KLF12: variants seen among roughly 807,000 people sequenced by gnomAD.
KLF12 encodes the protein KLF transcription factor 12.
In KLF12, 9 loss-of-function variants were observed where a neutral mutation model predicts 37.8. That is an observed-to-expected ratio of 0.24 (90% CI 0.14 to 0.42). KLF12 has a LOEUF of 0.42. Among genes scored for constraint, KLF12 ranks in the 10% least tolerant of loss-of-function variants. The pLI is 1.00. For synonymous variants in KLF12, 208 were observed against 202.1 expected (o/e 1.03, Z -0.25); for missense variants, 411 against 516.0 (o/e 0.80, Z 1.97).
At chr13:74,151,608 G>A in the KLF12 span, among the ~76,000 whole-genome samples, 111 of 152,104 alleles carry the variant, frequency 7.3e-4, no homozygotes, top group African/African-American at 2.2e-3. Context: ...AGCTGAGATC[G>A]CACCACTGCA....
At chr13:74,213,416 G>A in the KLF12 span, among the ~76,000 whole-genome samples, 2 of 152,012 alleles carry the variant, frequency 1.3e-5, no homozygotes, top group Non-Finnish European at 2.9e-5. Context: ...AGAAATTCTT[G>A]TTTATTTTTG....
the KLF12 span, among the ~76,000 whole-genome samples, chr13:74,183,193 A>G: frequency 6.6e-6 from 1 of 152,180 alleles, no homozygotes; most frequent in Non-Finnish European, 1.5e-5. Flanking sequence ...CTGGGGATAC[A>G]AAGATGAATA....
the KLF12 span, among the ~76,000 whole-genome samples, chr13:74,281,197 AC>A: frequency 6.6e-6 from 1 of 152,062 alleles, no homozygotes; most frequent in Non-Finnish European, 1.5e-5. Context: ...ATCTTAAGAC[AC>A]CCACACACTA....
At chr13:74,168,382 T>G in the KLF12 span, among the ~76,000 whole-genome samples, 2 of 152,220 alleles carry the variant, frequency 1.3e-5, no homozygotes, top group African/African-American at 4.8e-5. Context: ...ACAACTTTCT[T>G]TTGGCACAGG....
Position 73,880,573 on chromosome 13 carries a change from C to T in KLF12, c.124-34200G>A, listed in dbSNP as rs867752615. Among the ~76,000 whole-genome samples, 42 of 152,188 alleles carry T rather than the reference C, an allele frequency of 2.8e-4. 1 individual carries two copies. The highest frequency in any genetic ancestry group is 9.4e-4 in the African/African-American group (39 of 41,448). ...CTTCCAGATGCCTCTAGCCATGACT[C>T]AACCATTCGCTTCCTAATTTGTTGC... On this transcript the variant is annotated intron_variant, in intron 3 of 7. Transcript: ENST00000377669.
chr13:73,911,251 T>G (rs911293574), intron 3 of KLF12, among the ~76,000 whole-genome samples: 5 of 152,026 alleles, frequency 3.3e-5, no homozygotes, highest in African/African-American at 4.8e-5. Flanking sequence ...ATTTTTAAAA[T>G]AAATGAATAA....
chr13:74,200,738 C>G, the KLF12 span, among the ~76,000 whole-genome samples: 1 of 152,066 alleles, frequency 6.6e-6, no homozygotes, highest in Non-Finnish European at 1.5e-5. Context: ...AGAGTTTCTG[C>G]TTCTCTCTGT....
At chr13:73,980,387 AT>A (rs958328680) in intron 2 of KLF12, among the ~76,000 whole-genome samples, 3 of 152,170 alleles carry the variant, frequency 2.0e-5, no homozygotes, top group Non-Finnish European at 4.4e-5. Context: ...CAGTCAGAAT[AT>A]TTTTTTAAAA....
intron 6 of KLF12, among the ~76,000 whole-genome samples, chr13:73,727,820 C>T (rs1188001221): frequency 1.3e-5 from 2 of 151,962 alleles, no homozygotes; most frequent in South Asian, 4.2e-4. Context: ...GCCTCGGTCT[C>T]CTGAGTACCT....
intron 1 of KLF12, among the ~76,000 whole-genome samples, chr13:74,119,001 T>C (rs570484347): frequency 6.6e-6 from 1 of 152,254 alleles, no homozygotes; most frequent in African/African-American, 2.4e-5. Flanking sequence ...TATCTCAGTA[T>C]CTACTGTTCT....
At chr13:73,780,565 C>A (rs568766984) in intron 5 of KLF12, among the ~76,000 whole-genome samples, 1 of 152,100 alleles carries the variant, frequency 6.6e-6, no homozygotes, top group Non-Finnish European at 1.5e-5. Flanking sequence ...CCGCAACCTC[C>A]GCCGCCCAAG....
intron 6 of KLF12, among the ~76,000 whole-genome samples, chr13:73,729,449 G>C (rs1876902248): frequency 6.6e-6 from 1 of 152,174 alleles, no homozygotes; most frequent in Non-Finnish European, 1.5e-5. Context: ...AAAAGTACTT[G>C]ACAGCAGGCA....
chr13:73,971,640 T>C (rs561363332), intron 2 of KLF12, among the ~76,000 whole-genome samples: 1 of 152,294 alleles, frequency 6.6e-6, no homozygotes, highest in Admixed American at 6.5e-5. Flanking sequence ...TCCATCTTAA[T>C]AGTGACTAGT....
At chr13:74,183,214 T>C in the KLF12 span, among the ~76,000 whole-genome samples, 319 of 152,268 alleles carry the variant, frequency 2.1e-3, 4 homozygotes, top group African/African-American at 7.4e-3. Flanking sequence ...TGACATATGG[T>C]TCATGTCTTC....
At chr13:74,075,548 C>T (rs571549759) in intron 1 of KLF12, among the ~76,000 whole-genome samples, 1 of 152,268 alleles carries the variant, frequency 6.6e-6, no homozygotes, top group South Asian at 2.1e-4. Context: ...TGATTCTAAT[C>T]TGCATCAAAC....
chr13:73,942,918 T>C (rs539768503), intron 3 of KLF12, among the ~76,000 whole-genome samples: 4 of 152,304 alleles, frequency 2.6e-5, no homozygotes, highest in Admixed American at 2.0e-4. Context: ...TGCTCAGGTA[T>C]GCAGAAGTTA....
Position 73,904,141 on chromosome 13 carries a change from T to C in KLF12, c.123+39840A>G, listed in dbSNP as rs549345473. On this transcript the variant is annotated intron_variant, in intron 3 of 7. Transcript: ENST00000377669. ...GAAAGCAAGGCTAGCAATGGAGATA[T>C]AACAGCTCAGAAATAGGCAATCGTG... Among the ~76,000 whole-genome samples the C allele has an allele frequency of 1.2e-4, 19 of 152,304 alleles. 1 individual carries two copies. The highest frequency in any genetic ancestry group is 1.0e-3 in the Admixed American group (16 of 15,302).
intron 3 of KLF12, among the ~76,000 whole-genome samples, chr13:73,929,567 T>C (rs1234282702): frequency 6.6e-6 from 1 of 152,206 alleles, no homozygotes; most frequent in Non-Finnish European, 1.5e-5. Flanking sequence ...CCGTATAGTT[T>C]AAGTGGATAG....
At chr13:73,818,290 C>T (rs1022438482) in intron 4 of KLF12, among the ~76,000 whole-genome samples, 1 of 152,238 alleles carries the variant, frequency 6.6e-6, no homozygotes, top group Admixed American at 6.5e-5. Context: ...GGATTACAGG[C>T]GACAGCCACT....
Sources: gnomAD v4.1 joint callset for allele counts (sites outside exome capture counted in the v4.1 genomes callset) on GRCh38, gnomAD v4.1.1 for gene constraint, MANE v1.5 for transcripts, NCBI Gene and HGNC (gene_info 2026-07-23, HGNC 2026-07-21) for gene names.